The following PKP4 variants were observed in gnomAD, a reference collection of about 807,000 sequenced individuals.
PKP4 encodes the protein plakophilin 4, also known as plakophilin-4.
PKP4 carries 90 observed loss-of-function variants against 145.1 expected under a neutral mutation model. The observed-to-expected ratio is 0.62, with a 90% CI of 0.52 to 0.74. PKP4 has a LOEUF of 0.74. PKP4 is among the 30% of genes least tolerant of loss of function. The probability of loss-of-function intolerance (pLI) is 0.00; values close to 1 mark genes in which losing one functional copy is unlikely to be tolerated. For missense variants in PKP4, 1,340 were observed against 1,482.7 expected (o/e 0.90, Z 1.58); for synonymous variants, 563 against 577.2 (o/e 0.98, Z 0.35).
At chr2:158,583,540 T>C (rs2048519140) in intron 3 of PKP4, among the ~76,000 whole-genome samples, 1 of 152,216 alleles carries the variant, frequency 6.6e-6, no homozygotes. Flanking sequence ...TGAAGTGTGA[T>C]TCACTTACCG....
At chr2:158,481,807 A>G (rs955010035) in intron 1 of PKP4, among the ~76,000 whole-genome samples, 1 of 152,236 alleles carries the variant, frequency 6.6e-6, no homozygotes, top group African/African-American at 2.4e-5. Flanking sequence ...CTGATAATAT[A>G]TAAGTAAAAT....
chr2:158,637,025 T>C (rs1439865795), intron 9 of PKP4, among the ~76,000 whole-genome samples: 1 of 152,186 alleles, frequency 6.6e-6, no homozygotes, highest in African/African-American at 2.4e-5. Flanking sequence ...AAGTCATATG[T>C]TTCTGTTTCT....
intron 4 of PKP4, 129 bp downstream of exon 4, chr2:158,603,233 G>T (rs369002133): frequency 4.3e-5 from 21 of 489,036 alleles, no homozygotes; most frequent in African/African-American, 4.0e-4. Context: ...GCGCTACATT[G>T]CTTTGGAATA....
At chr2:158,555,696 T>TAG (rs2046026982) in intron 2 of PKP4, among the ~76,000 whole-genome samples, 1 of 152,248 alleles carries the variant, frequency 6.6e-6, no homozygotes, top group African/African-American at 2.4e-5. Flanking sequence ...TTTCTGATTG[T>TAG]CATGGGTTTT....
chr2:158,594,973 C>T (rs1197419936), intron 3 of PKP4, among the ~76,000 whole-genome samples: 1 of 152,106 alleles, frequency 6.6e-6, no homozygotes, highest in African/African-American at 2.4e-5. Context: ...CCTGTCTTCA[C>T]CTTACTGAAC....
At chr2:158,647,239 A>G (rs531765669) in intron 11 of PKP4, among the ~76,000 whole-genome samples, 2 of 152,330 alleles carry the variant, frequency 1.3e-5, no homozygotes, top group South Asian at 4.1e-4. Context: ...TGGCCTTTGT[A>G]GGTACGGTCC....
chr2:158,523,906 A>G (rs1289874041), intron 1 of PKP4, among the ~76,000 whole-genome samples: 1 of 137,694 alleles, frequency 7.3e-6, no homozygotes, highest in East Asian at 2.1e-4. Context: ...AATGAATGAA[A>G]TGAAGCGAGA....
intron 1 of PKP4, among the ~76,000 whole-genome samples, chr2:158,499,856 TAGAC>T (rs1696295515): frequency 6.6e-6 from 1 of 152,212 alleles, no homozygotes; most frequent in Admixed American, 6.5e-5. Flanking sequence ...ATACAGAATA[TAGAC>T]AGAGTTTAGA....
At position 158,500,262 on chromosome 2, in the gene PKP4, T is replaced by G. The variant is rs528064580; in HGVS notation, c.-5-32918T>G. Among the ~76,000 whole-genome samples, 15 of 152,340 alleles carry G rather than the reference T, an allele frequency of 9.8e-5. No homozygotes were observed. In the East Asian group the frequency reaches 2.9e-3, roughly 29 times the overall value. On this transcript the variant is annotated intron_variant, in intron 1 of 21. Coordinates refer to ENST00000389759, the MANE Select transcript of PKP4 (RefSeq NM_003628.6). The stretch of plus-strand genomic sequence containing the variant: ...CAGTAGCAAATGAGGGCCCCAGTGT[T>G]TCTGTAGAGAAAGCAGTCACCCTGA...
intron 4 of PKP4, among the ~76,000 whole-genome samples, chr2:158,611,988 T>C (rs1211043124): frequency 6.6e-6 from 1 of 151,686 alleles, no homozygotes; most frequent in African/African-American, 2.4e-5. Flanking sequence ...TAACTTACTG[T>C]TTTAAGATGA....
chr2:158,581,543 T>C (rs771900666), intron 3 of PKP4, among the ~76,000 whole-genome samples: 20 of 152,232 alleles, frequency 1.3e-4, no homozygotes, highest in South Asian at 1.0e-3. Flanking sequence ...GACGTGGCAG[T>C]GGCATGAGGT....
intron 1 of PKP4, among the ~76,000 whole-genome samples, chr2:158,501,969 A>T (rs1195963139): frequency 6.6e-6 from 1 of 152,176 alleles, no homozygotes; most frequent in Non-Finnish European, 1.5e-5. Context: ...GGTGGTTGGC[A>T]TCAGGCAGTG....
At chr2:158,481,473 T>G (rs1473256081) in intron 1 of PKP4, among the ~76,000 whole-genome samples, 1 of 152,178 alleles carries the variant, frequency 6.6e-6, no homozygotes. Flanking sequence ...CCAAACTGTT[T>G]CCAAAGCAGC....
At chr2:158,532,302 C>A (rs1477218) in intron 1 of PKP4, among the ~76,000 whole-genome samples, 152,222 of 152,308 alleles carry the variant, frequency 1, 76,068 homozygotes, top group Non-Finnish European at 1. Flanking sequence ...GCATCTTAAG[C>A]CTTGGCGGGA....
At chr2:158,553,929 C>G (rs2045847444) in intron 2 of PKP4, among the ~76,000 whole-genome samples, 1 of 151,978 alleles carries the variant, frequency 6.6e-6, no homozygotes, top group Non-Finnish European at 1.5e-5. Flanking sequence ...GAGATTTGAC[C>G]CTTCTAGTTG....
At chr2:158,529,440 C>T (rs943190748) in intron 1 of PKP4, among the ~76,000 whole-genome samples, 1 of 152,176 alleles carries the variant, frequency 6.6e-6, no homozygotes, top group African/African-American at 2.4e-5. Context: ...CTGTGTCATT[C>T]ACATCCTCCC....
intron 1 of PKP4, among the ~76,000 whole-genome samples, chr2:158,495,106 T>C (rs921447867): frequency 1.8e-4 from 27 of 151,920 alleles, no homozygotes; most frequent in Non-Finnish European, 1.8e-4. Flanking sequence ...TAATCCTACC[T>C]ACTCGGGAGG....
At chr2:158,665,839 T>G (rs151040011) in intron 15 of PKP4, 1 of 152,332 alleles carries the variant, frequency 6.6e-6, no homozygotes, top group East Asian at 1.9e-4. Flanking sequence ...TGCACACAAA[T>G]ATACTTACTT....
At chr2:158,533,075 G>A in intron 1 of PKP4, 105 bp from the exon 2 acceptor site, 1 of 1,148,372 alleles carries the variant, frequency 8.7e-7, no homozygotes, top group Non-Finnish European at 1.2e-6. Context: ...TGATCATGGT[G>A]TGTAGACTGT....
Sources: allele counts gnomAD v4.1 joint callset (sites outside exome capture counted in the v4.1 genomes callset), GRCh38; gene constraint gnomAD v4.1.1; transcripts MANE v1.5; gene names NCBI Gene and HGNC (gene_info 2026-07-23, HGNC 2026-07-21).